The following KIAA1614 variants were observed in gnomAD, a reference collection of about 807,000 sequenced individuals.
KIAA1614 encodes uncharacterized protein KIAA1614.
KIAA1614 carries 76 observed loss-of-function variants against 88.7 expected under a neutral mutation model. The ratio of observed to expected loss-of-function variants is 0.86; its 90% CI spans 0.71 to 1.04. KIAA1614 has a LOEUF of 1.04. KIAA1614 is among the 50% of genes least tolerant of loss of function. KIAA1614 has a pLI of 0.00. For synonymous variants in KIAA1614, 714 were observed against 675.5 expected, an observed-to-expected ratio of 1.06 and a Z score of -0.88; for missense variants, 1,553 against 1,582.5, an observed-to-expected ratio of 0.98 and a Z score of 0.32.
intron 4 of KIAA1614, among the ~76,000 whole-genome samples, chr1:180,932,539 A>G (rs1341394448): frequency 6.6e-6 from 1 of 152,202 alleles, no homozygotes; most frequent in African/African-American, 2.4e-5. Context: ...CGTCCTTGGC[A>G]TAGCGGCTGT....
chr1:180,918,962 T>C (rs73047795), intron 3 of KIAA1614, among the ~76,000 whole-genome samples: 8,159 of 152,212 alleles, frequency 0.054, 715 homozygotes, highest in African/African-American at 0.18. Flanking sequence ...GATTCATAGA[T>C]GGTGCCTTCT....
Position 180,941,284 on chromosome 1 carries a change from C to A in KIAA1614, c.3158C>A (p.Pro1053Gln), listed in dbSNP as rs528318162. The change falls in exon 7 of 9, where the codon CCG (proline) becomes CAG (glutamine). Residue 1053 changes from proline (P) to glutamine (Q), a missense_variant and splice_region_variant. By Grantham distance (76) the Pro-to-Gln change is moderately conservative (BLOSUM62 -1). Coordinates refer to ENST00000367588, the MANE Select transcript of KIAA1614 (RefSeq NM_020950.2). Reference protein sequence around the residue: ...SRAPSLQSLHPVSPSHQRRKA... With the variant: ...SRAPSLQSLHQVSPSHQRRKA... Reference sequence around the variant, plus strand: ...GCCCCATCGTTACAATCCCTGCACCCGGTGAGTCCAGGGGCCCCAGCCCAG... The same window carrying A: ...GCCCCATCGTTACAATCCCTGCACCAGGTGAGTCCAGGGGCCCCAGCCCAG... 6.9e-6 allele frequency: 11 copies of A among 1,605,640 alleles called. No individual in the cohort carries two copies. In the South Asian group the frequency reaches 7.7e-5, roughly 11 times the overall value.
chr1:180,933,671 G>A (rs1481366386), intron 4 of KIAA1614, among the ~76,000 whole-genome samples: 9 of 152,188 alleles, frequency 5.9e-5, no homozygotes, highest in African/African-American at 1.9e-4. Context: ...GGTGTGAGAT[G>A]TGTACAGGTG....
At chr1:180,939,772 G>A (rs1169403666) in intron 6 of KIAA1614, among the ~76,000 whole-genome samples, 2 of 152,212 alleles carry the variant, frequency 1.3e-5, no homozygotes, top group African/African-American at 4.8e-5. Flanking sequence ...CACCCCGGCT[G>A]TGGTTGGTCC....
At position 180,946,923 on chromosome 1, in the gene KIAA1614, TA is replaced by T. The variant is rs1654610002; in HGVS notation, c.*1339del. On this transcript the variant is annotated 3_prime_UTR_variant, in exon 9 of 9. Transcript: ENST00000367588. ...CCAGTGAGCAGTTAGATTGTATCTATAAAATGTGTACTCTTGTTATGTATAA... is the reference window on the plus strand; with the variant it reads ...CCAGTGAGCAGTTAGATTGTATCTATAAATGTGTACTCTTGTTATGTATAA... 1 of 152,272 alleles carries T rather than the reference TA, an allele frequency of 6.6e-6. No individual in the cohort carries two copies. The highest frequency in any genetic ancestry group is 2.4e-5 in the African/African-American group (1 of 41,454). The allele number at this position is 152,272 out of a possible 1,614,324, so 9.4% of individuals were successfully genotyped here. A position where few individuals can be genotyped will look rare whatever the true frequency, so the allele number is the denominator to read the frequency against.
chr1:180,922,112 C>T (rs555480027), intron 3 of KIAA1614, among the ~76,000 whole-genome samples: 4 of 152,236 alleles, frequency 2.6e-5, no homozygotes, highest in East Asian at 1.9e-4. Flanking sequence ...TCCATAGAGG[C>T]GGTGCTTCTG....
In KIAA1614 at chr1:180,936,603, C is replaced by A. The variant is rs199668431; in HGVS notation, c.2694C>A (p.His898Gln). 1.2e-6 allele frequency: 2 copies of A among 1,609,000 alleles called. No homozygotes were observed. Among genetic ancestry groups the A allele is most frequent in the Non-Finnish European group, 1.7e-6 (2 of 1,178,452 alleles). ...AGGAGCCCTACGGGGGAGCCGTCCA[C>A]GAGGGTAGGGTGGAGAGGGGCCCCT... is the stretch of plus-strand genomic sequence containing the variant. The part of the protein sequence containing the change: ...GLQEPYGGAV[H>Q]EGRVERGPCS... Residue 898 changes from histidine (H) to glutamine (Q), a missense_variant, in exon 5 of 9, where the codon CAC becomes CAA. Coordinates refer to ENST00000367588, the MANE Select transcript of KIAA1614 (RefSeq NM_020950.2).
chr1:180,934,185 C>T (rs551483200), intron 4 of KIAA1614, among the ~76,000 whole-genome samples: 113 of 143,158 alleles, frequency 7.9e-4, no homozygotes, highest in Non-Finnish European at 1.3e-3. Context: ...ACCTGGGAGG[C>T]GGAGGTTGCG....
chr1:180,926,330 G>A (rs1431517621), intron 3 of KIAA1614, among the ~76,000 whole-genome samples: 4 of 152,112 alleles, frequency 2.6e-5, no homozygotes, highest in African/African-American at 9.7e-5. Flanking sequence ...GTTGACCTTG[G>A]CTGCAGTCTG....
chr1:180,918,574 C>A (rs532010141), intron 3 of KIAA1614, among the ~76,000 whole-genome samples: 1 of 152,180 alleles, frequency 6.6e-6, no homozygotes, highest in Non-Finnish European at 1.5e-5. Flanking sequence ...GCAGCTGGCA[C>A]CTGCACAGAG....
At chr1:180,918,561 AC>A (rs1412684237) in intron 3 of KIAA1614, among the ~76,000 whole-genome samples, 1 of 152,160 alleles carries the variant, frequency 6.6e-6, no homozygotes. Context: ...GGCAGGCCTG[AC>A]TGCAGCTGGC....
intron 3 of KIAA1614, among the ~76,000 whole-genome samples, chr1:180,924,232 A>G (rs1299103885): frequency 1.3e-5 from 2 of 152,230 alleles, no homozygotes; most frequent in Non-Finnish European, 2.9e-5. Context: ...GGTGGGAGCC[A>G]GTCTGAAATT....
At chr1:180,931,193 G>T (rs1258395737) in intron 4 of KIAA1614, among the ~76,000 whole-genome samples, 1 of 152,228 alleles carries the variant, frequency 6.6e-6, no homozygotes, top group African/African-American at 2.4e-5. Flanking sequence ...CCATTTTGGG[G>T]ATAGACATGC....
intron 4 of KIAA1614, among the ~76,000 whole-genome samples, chr1:180,934,115 G>A (rs923999337): frequency 7.9e-5 from 12 of 152,216 alleles, no homozygotes; most frequent in South Asian, 2.1e-4. Flanking sequence ...TTAGTCGGGC[G>A]TGGTGGCGCA....
chr1:180,945,143 G>T, intron 8 of KIAA1614, 160 bp from the exon 9 acceptor site: 2 of 779,884 alleles, frequency 2.6e-6, no homozygotes, highest in Non-Finnish European at 3.8e-6. Context: ...CACCAGTTTT[G>T]GCCCTAGCAG....
At position 180,935,572 on chromosome 1, in the gene KIAA1614, C is replaced by T; in HGVS notation, c.1663C>T (p.Pro555Ser). ...GCGCCCCGCCCAGGGGAAGGCGCCC[C>T]CCGTCCCCAGGACCCTCCAGGAGCT... ...DPRPAQGKAP[P>S]VPRTLQELQA... Residue 555 changes from proline to serine, a missense_variant, in exon 5 of 9, where the codon CCC (proline) becomes TCC (serine). Pro to Ser is a moderately conservative substitution (Grantham distance 74, BLOSUM62 -1). Transcript: ENST00000367588. The surrounding 1 kb of genome is among the most constrained non-coding windows in gnomAD (Gnocchi z 6.1). 2 of 1,605,138 alleles carry T rather than the reference C, an allele frequency of 1.2e-6. No individual in the cohort carries two copies. The highest frequency in any genetic ancestry group is 1.1e-5 in the South Asian group (1 of 90,374).
intron 1 of KIAA1614, among the ~76,000 whole-genome samples, chr1:180,914,304 A>G (rs1376469161): frequency 6.6e-6 from 1 of 152,252 alleles, no homozygotes; most frequent in African/African-American, 2.4e-5. Flanking sequence ...AGGGATAAAC[A>G]TCAGCCATGC....
chr1:180,936,783 A>ATCTG, intron 5 of KIAA1614, 113 bp downstream of exon 5: 1 of 672,856 alleles, frequency 1.5e-6, no homozygotes. Context: ...TTTTATCTCA[A>ATCTG]TAGTCAGATG....
At position 180,947,062 on chromosome 1, in the gene KIAA1614, A is replaced by C. The variant is rs1193384129; in HGVS notation, c.*1474A>C. 6.6e-6 allele frequency: 1 copy of C among 152,116 alleles called. No individual in the cohort carries two copies. Among genetic ancestry groups the C allele is most frequent in the Non-Finnish European group, 1.5e-5 (1 of 68,030 alleles). 9.4% of individuals were successfully genotyped at this position (152,116 alleles called of 1,614,324 possible). On this transcript the variant is annotated 3_prime_UTR_variant, in exon 9 of 9. Coordinates refer to ENST00000367588, the MANE Select transcript of KIAA1614 (RefSeq NM_020950.2). ...GTGGGGAGGCTTTTCTGAGAAGATG[A>C]CACTTGAGCAGGGCCGTGGATGGGG...
Sources: allele counts gnomAD v4.1 joint callset (sites outside exome capture counted in the v4.1 genomes callset), GRCh38; gene constraint gnomAD v4.1.1; non-coding constraint Gnocchi (gnomAD v3.1); transcripts MANE v1.5; gene names NCBI Gene and HGNC (gene_info 2026-07-23, HGNC 2026-07-21).